Variants in SALL2 observed in about 807,000 individuals in gnomAD.
SALL2 encodes sal-like protein 2.
A neutral mutation model predicts 58.5 loss-of-function variants in SALL2; 32 were observed. That is an observed-to-expected ratio of 0.55 (90% CI 0.41 to 0.74). SALL2 has a LOEUF of 0.74. SALL2 is among the 30% of genes least tolerant of loss of function. The pLI is 0.00. For synonymous variants in SALL2, 516 were observed against 513.6 expected, an observed-to-expected ratio of 1.00 and a Z score of -0.06; for missense variants, 1,201 against 1,268.9, an observed-to-expected ratio of 0.95 and a Z score of 0.81.
intron 1 of SALL2, 56 bp downstream of exon 1, chr14:21,526,005 C>T (rs1260980603): frequency 2.1e-6 from 2 of 957,684 alleles, no homozygotes; most frequent in Non-Finnish European, 3.2e-6. Context: ...TCTTCGCCGC[C>T]CCTGCGCATC....
Position 21,525,550 on chromosome 14 carries a change from G to A in SALL2, c.172C>T (p.Pro58Ser). ...CCCCCAATTATCACCATTACAGGAG[G>A]GTCAGTAGAACATGCGTTCTGGTGG... ...LAHQNACSTDPPVMVIIGGQE... is the reference protein window; with the variant it reads ...LAHQNACSTDSPVMVIIGGQE... The change falls in exon 2 of 2, where the codon CCT (proline) becomes TCT (serine). Residue 58 changes from proline to serine, a missense_variant. Physicochemically the swap from Pro to Ser is moderately conservative, Grantham distance 74. This residue lies in a region of SALL2 where 467 missense variants were observed against 468.9 expected (regional missense o/e 1.00). Transcript: ENST00000537235. This position sits in a 1 kb window ranked among gnomAD's most constrained non-coding sequence, Gnocchi z 4.4. 1 of 1,613,942 alleles carries A rather than the reference G, an allele frequency of 6.2e-7. No individual in the cohort carries two copies.
In SALL2 at chr14:21,523,866, G is replaced by C; in HGVS notation, c.1856C>G (p.Ala619Gly). Residue 619 changes from alanine (A) to glycine (G), a missense_variant, in exon 2 of 2, where the codon GCA becomes GGA. This residue lies in a region of SALL2 where 675 missense variants were observed against 683.8 expected (regional missense o/e 0.99). Coordinates refer to ENST00000537235, the MANE Select transcript of SALL2 (RefSeq NM_001364564.1). The surrounding 1 kb of genome is among the most constrained non-coding windows in gnomAD (Gnocchi z 4.4). Reference sequence around the variant, plus strand: ...TCCAGAAGAGGCTGAGGATGAAGGTGCAGGGGCAGAGGTGGTGGGGGCTCC... The same window carrying C: ...TCCAGAAGAGGCTGAGGATGAAGGTCCAGGGGCAGAGGTGGTGGGGGCTCC... ...ASGAPTTSAP[A>G]PSSSASSGPN... 2 of 1,614,238 alleles carry C rather than the reference G, an allele frequency of 1.2e-6. No homozygotes were observed. The highest frequency in any genetic ancestry group is 1.3e-5 in the African/African-American group (1 of 75,064).
Position 21,525,059 on chromosome 14 carries a change from G to T in SALL2, c.663C>A (p.Pro221=), listed in dbSNP as rs1057189096. Residue 221 remains proline (P), a synonymous_variant, in exon 2 of 2, where the codon CCC becomes CCA. Coordinates refer to ENST00000537235, the MANE Select transcript of SALL2 (RefSeq NM_001364564.1). This position sits in a 1 kb window ranked among gnomAD's most constrained non-coding sequence, Gnocchi z 4.4. ...LGQTVGAPAS[P]SELPGTGTAS... is the part of the protein sequence containing the mutation. ...CAGTCCCTGTCCCAGGTAGCTCTGA[G>T]GGACTGGCAGGGGCACCCACCGTCT... The T allele has an allele frequency of 2.5e-6, 4 of 1,613,946 alleles. No individual in the cohort carries two copies. The highest frequency in any genetic ancestry group is 1.3e-5 in the African/African-American group (1 of 74,888).
Position 21,525,434 on chromosome 14 carries a change from G to A in SALL2, c.288C>T (p.Asn96=), listed in dbSNP as rs151048903. The change falls in exon 2 of 2, where the codon AAC becomes AAT. Residue 96 remains asparagine (N), a synonymous_variant. Coordinates refer to ENST00000537235, the MANE Select transcript of SALL2 (RefSeq NM_001364564.1). This position sits in a 1 kb window ranked among gnomAD's most constrained non-coding sequence, Gnocchi z 4.4. ...NPQVMDTEHS[N]PPDSGSSVPT... is the part of the protein sequence containing the mutation. Reference sequence around the variant, plus strand: ...GCACGGAGGACCCAGAATCTGGGGGGTTGCTATGCTCTGTGTCCATGACCT... The same window carrying A: ...GCACGGAGGACCCAGAATCTGGGGGATTGCTATGCTCTGTGTCCATGACCT... 1.2e-5 allele frequency: 20 copies of A among 1,613,934 alleles called. No individual in the cohort carries two copies. Among genetic ancestry groups the A allele is most frequent in the East Asian group, 2.2e-5 (1 of 44,862 alleles).
At chr14:21,534,127 AAATT>A (rs1566519659) in intron 1 of SALL2, among the ~76,000 whole-genome samples, 1 of 152,212 alleles carries the variant, frequency 6.6e-6, no homozygotes, top group African/African-American at 2.4e-5. Flanking sequence ...ATGATTAAGA[AAATT>A]TATTAATTTA....
At chr14:21,530,580 G>A (rs551154263), upstream of SALL2, among the ~76,000 whole-genome samples, 2 of 151,998 alleles carry the variant, frequency 1.3e-5, no homozygotes, top group African/African-American at 4.8e-5. Flanking sequence ...GAGCCATCGC[G>A]CCCGGCCACC....
chr14:21,523,161 C>A lies in SALL2; in HGVS notation c.2561G>T (p.Ser854Ile). ...TTCCTTGCCTCCTAAAACACCACTG[C>A]TTCCCTGCTCCATTGGCTGAGGCTG... Reference protein sequence around the residue: ...LDQPQPMEQGSSGVLGGKEEG... With the variant: ...LDQPQPMEQGISGVLGGKEEG... The change falls in exon 2 of 2, where the codon AGC becomes ATC. Residue 854 changes from serine to isoleucine, a missense_variant. Physicochemically the swap from Ser to Ile is moderately radical, Grantham distance 142. Around this residue, in one of 3 missense-constraint regions of SALL2, gnomAD observed 675 missense variants for 683.8 expected, o/e 0.99. Coordinates refer to ENST00000537235, the MANE Select transcript of SALL2 (RefSeq NM_001364564.1). The surrounding 1 kb of genome is among the most constrained non-coding windows in gnomAD (Gnocchi z 4.4). 6.2e-7 allele frequency: 1 copy of A among 1,614,198 alleles called. No homozygotes were observed. Among genetic ancestry groups the A allele is most frequent in the Non-Finnish European group, 8.5e-7 (1 of 1,180,040 alleles).
At chr14:21,529,697 T>C (rs147247771), upstream of SALL2, among the ~76,000 whole-genome samples, 66 of 151,972 alleles carry the variant, frequency 4.3e-4, no homozygotes, top group African/African-American at 1.4e-3. Flanking sequence ...CCTATAATCC[T>C]AGCACTTTTG....
At chr14:21,531,521 C>T (rs932542560) in intron 1 of SALL2, among the ~76,000 whole-genome samples, 2 of 152,104 alleles carry the variant, frequency 1.3e-5, no homozygotes, top group African/African-American at 2.4e-5. Context: ...ATTCTCCTGC[C>T]TCACCCTCCC....
rs1342541374 is a variant in SALL2 at position 21,523,699 on chromosome 14, G to A, written c.2023C>T (p.His675Tyr). 6.2e-7 allele frequency: 1 copy of A among 1,614,216 alleles called. No homozygotes were observed. Among genetic ancestry groups the A allele is most frequent in the South Asian group, 1.1e-5 (1 of 91,084 alleles). ...AFSTRGNLRA[H>Y]FVGHKASPAA... The stretch of plus-strand genomic sequence containing the variant: ...GGACTGGCCTTGTGGCCCACGAAAT[G>A]TGCACGCAGATTACCCCTGGTGGAG... Residue 675 changes from histidine (H) to tyrosine (Y), a missense_variant, in exon 2 of 2, where the codon CAT becomes TAT. By Grantham distance (83) the His-to-Tyr change is moderately conservative. This residue lies in a region of SALL2 where 675 missense variants were observed against 683.8 expected (regional missense o/e 0.99). Transcript: ENST00000537235. The surrounding 1 kb of genome is among the most constrained non-coding windows in gnomAD (Gnocchi z 4.4).
Position 21,536,703 on chromosome 14 carries a change from C to T in SALL2, c.-114+259G>A, listed in dbSNP as rs997544860. 13 of 616,288 alleles carry T rather than the reference C, an allele frequency of 2.1e-5. No homozygotes were observed. The Admixed American group carries it at 2.9e-4, about 14-fold the overall frequency. 38.2% of individuals were successfully genotyped at this position (616,288 alleles called of 1,614,324 possible). Reference sequence around the variant, plus strand: ...TCTCCCCAGCGCAGGTCATCTCTTACTCCCTGCATCTCAACTCCTTCAAAC... The same window carrying T: ...TCTCCCCAGCGCAGGTCATCTCTTATTCCCTGCATCTCAACTCCTTCAAAC... On this transcript the variant is annotated intron_variant, in intron 1 of 1. Coordinates refer to the SALL2 transcript ENST00000541965.
chr14:21,526,014 T>TCCCCCCCCCCCCCCCC, intron 1 of SALL2, 47 bp downstream of exon 1: 3 of 1,041,060 alleles, frequency 2.9e-6, no homozygotes, highest in Non-Finnish European at 4.3e-6. Context: ...CCCCTGCGCA[T>TCCCCCCCCCCCCCCCC]CCCCCTCCGC....
upstream of SALL2, among the ~76,000 whole-genome samples, chr14:21,531,126 A>C: frequency 6.6e-6 from 1 of 152,258 alleles, no homozygotes; most frequent in South Asian, 2.1e-4. Flanking sequence ...AACAGGCACA[A>C]TGATTGGTAC....
chr14:21,528,301 G>A (rs1261883268), upstream of SALL2, among the ~76,000 whole-genome samples: 1 of 152,004 alleles, frequency 6.6e-6, no homozygotes. Context: ...TTTCCATGTT[G>A]TTTGTTAATC....
chr14:21,524,995 T>A lies in SALL2; in HGVS notation c.727A>T (p.Ile243Phe), dbSNP rs758761304. Residue 243 changes from isoleucine to phenylalanine, a missense_variant, in exon 2 of 2, where the codon ATC becomes TTC. Around this residue, in one of 3 missense-constraint regions of SALL2, gnomAD observed 467 missense variants for 468.9 expected, o/e 1.00. Coordinates refer to ENST00000537235, the MANE Select transcript of SALL2 (RefSeq NM_001364564.1). Reference protein sequence around the residue: ...TKPLLPLFSPIKPVQTSKTLA... With the variant: ...TKPLLPLFSPFKPVQTSKTLA... ...GTCTTGCTGGTTTGGACAGGCTTGA[T>A]GGGGCTGAAGAGGGGTAGTAGGGGC... 3 of 1,613,792 alleles carry A rather than the reference T, an allele frequency of 1.9e-6. No homozygotes were observed. The highest frequency in any genetic ancestry group is 2.5e-6 in the Non-Finnish European group (3 of 1,179,880).
rs944704798 is a variant in SALL2, at chr14:21,522,791, A to G, written c.2931T>C (p.Ala977=). The G allele has an allele frequency of 6.3e-7, 1 of 1,599,066 alleles. No individual in the cohort carries two copies. Among genetic ancestry groups the G allele is most frequent in the Non-Finnish European group, 8.5e-7 (1 of 1,173,770 alleles). The change falls in exon 2 of 2, where the codon GCT becomes GCC. Residue 977 remains alanine (A), a synonymous_variant. Coordinates refer to ENST00000537235, the MANE Select transcript of SALL2 (RefSeq NM_001364564.1). ...FAPHGPQNIA[A]LSLVPGCSPS... ...GCGAACAGCCAGGGACTAGAGAAAG[A>G]GCAGCAATATTCTGAGGGCCATGGG...
In SALL2 at chr14:21,523,118, C is replaced by G. The variant is rs755048868; in HGVS notation, c.2604G>C (p.Glu868Asp). The G allele has an allele frequency of 1.2e-5, 20 of 1,614,092 alleles. No individual in the cohort carries two copies. The highest frequency in any genetic ancestry group is 1.7e-5 in the Non-Finnish European group (20 of 1,180,040). The change falls in exon 2 of 2, where the codon GAG becomes GAC. Residue 868 changes from glutamate (E) to aspartate (D), a missense_variant. Around this residue, in one of 3 missense-constraint regions of SALL2, gnomAD observed 675 missense variants for 683.8 expected, o/e 0.99. Transcript: ENST00000537235. The surrounding 1 kb of genome is among the most constrained non-coding windows in gnomAD (Gnocchi z 4.4). ...LGGKEEGGKP[E>D]RSSSPASALT... ...GTGCTGATGCCGGACTTGAGCTTCT[C>G]TCCGGTTTGCCCCCCTCTTCCTTGC...
In SALL2 at chr14:21,524,942, A is replaced by AGAGGAG. The variant is rs745827860; in HGVS notation, c.774_779dup (p.Ser262_Ser263dup). The AGAGGAG allele has an allele frequency of 3.1e-6, 5 of 1,613,888 alleles. No individual in the cohort carries two copies. The highest frequency in any genetic ancestry group is 2.7e-5 in the African/African-American group (2 of 74,924). On this transcript the variant is annotated inframe_insertion, in exon 2 of 2. Coordinates refer to ENST00000537235, the MANE Select transcript of SALL2 (RefSeq NM_001364564.1). The stretch of plus-strand genomic sequence containing the variant: ...TGGGCGTTTCTGCCCCTGAAGAGGA[A>AGAGGAG]GAGGAGGAGGAGGAGGAAGATGCCA...
In SALL2 at chr14:21,522,579, T is replaced by G; in HGVS notation, c.*125A>C. ...AGCTCAGGGACTACAGAAAAGCCAC[T>G]AGGGACATAACATGTTAAGAACTTA... is the stretch of plus-strand genomic sequence containing the variant. On this transcript the variant is annotated 3_prime_UTR_variant, in exon 2 of 2. Coordinates refer to ENST00000537235, the MANE Select transcript of SALL2 (RefSeq NM_001364564.1). 1 of 1,422,672 alleles carries G rather than the reference T, an allele frequency of 7.0e-7. No individual in the cohort carries two copies. Among genetic ancestry groups the G allele is most frequent in the African/African-American group, 1.4e-5 (1 of 70,158 alleles). 88.1% of individuals were successfully genotyped at this position (1,422,672 alleles called of 1,614,324 possible).
Sources: allele counts gnomAD v4.1 joint callset (sites outside exome capture counted in the v4.1 genomes callset), GRCh38; gene constraint gnomAD v4.1.1; regional missense constraint gnomAD v4.1.1; non-coding constraint Gnocchi (gnomAD v3.1); transcripts MANE v1.5; gene names NCBI Gene and HGNC (gene_info 2026-07-23, HGNC 2026-07-21).